Variants in EGFLAM observed in about 807,000 individuals in gnomAD.
EGFLAM encodes pikachurin.
Under a neutral mutation model 113.1 loss-of-function variants are expected in EGFLAM, and 79 were observed. The observed-to-expected ratio is 0.70, with a 90% CI of 0.58 to 0.84. The LOEUF is 0.84. Ranked by LOEUF, EGFLAM falls within the 40% of genes least tolerant of loss-of-function variation. EGFLAM has a pLI of 0.00. For synonymous variants in EGFLAM, 504 were observed against 487.6 expected, an observed-to-expected ratio of 1.03 and a Z score of -0.44; for missense variants, 1,265 against 1,291.6, an observed-to-expected ratio of 0.98 and a Z score of 0.32.
chr5:38,380,444 AAG>A (rs1190940577), intron 6 of EGFLAM, among the ~76,000 whole-genome samples: 8 of 152,244 alleles, frequency 5.3e-5, no homozygotes, highest in Admixed American at 3.9e-4. Context: ...ACATTGGAGA[AAG>A]ACAAAAAGCA....
intron 19 of EGFLAM, among the ~76,000 whole-genome samples, chr5:38,454,289 G>T (rs553772587): frequency 4.6e-5 from 7 of 152,294 alleles, no homozygotes; most frequent in African/African-American, 1.7e-4. Flanking sequence ...GCACCCGGGT[G>T]TTTCCGGGAC....
intron 6 of EGFLAM, among the ~76,000 whole-genome samples, chr5:38,387,199 A>G (rs1740685377): frequency 6.6e-6 from 1 of 152,186 alleles, no homozygotes; most frequent in African/African-American, 2.4e-5. Flanking sequence ...CAGAAAGTAG[A>G]AACCCATCCT....
At chr5:38,265,439 T>C (rs2111693660) in intron 1 of EGFLAM, among the ~76,000 whole-genome samples, 1 of 152,352 alleles carries the variant, frequency 6.6e-6, no homozygotes, top group Admixed American at 6.5e-5. Context: ...GAAAATCTTT[T>C]GAGTTGCTCA....
chr5:38,422,830 C>T (rs1741877882), intron 12 of EGFLAM, among the ~76,000 whole-genome samples: 1 of 152,128 alleles, frequency 6.6e-6, no homozygotes, highest in African/African-American at 2.4e-5. Flanking sequence ...GATGGAAATA[C>T]ATACCCAGCT....
At chr5:38,341,457 A>G (rs1341180388) in intron 3 of EGFLAM, among the ~76,000 whole-genome samples, 4 of 152,202 alleles carry the variant, frequency 2.6e-5, no homozygotes, top group East Asian at 1.9e-4. Flanking sequence ...CCATGATTCA[A>G]TTACCTCCAG....
intron 6 of EGFLAM, chr5:38,401,879 C>T (rs1741126128): frequency 6.6e-6 from 1 of 152,192 alleles, no homozygotes; most frequent in Admixed American, 6.5e-5. Context: ...TGATTGGAGG[C>T]ATATATCCAT....
chr5:38,404,707 T>G (rs1741224313), intron 6 of EGFLAM, among the ~76,000 whole-genome samples: 2 of 152,218 alleles, frequency 1.3e-5, no homozygotes, highest in Admixed American at 6.5e-5. Flanking sequence ...AGTGGCAGCA[T>G]CCTACCAAAG....
At chr5:38,403,929 A>G (rs1025667277) in intron 6 of EGFLAM, 3 of 1,613,388 alleles carry the variant, frequency 1.9e-6, no homozygotes, top group Non-Finnish European at 2.5e-6. Flanking sequence ...TTTTCAGTTG[A>G]CAGGTGGACT....
chr5:38,291,235 T>C (rs1215040479), intron 1 of EGFLAM, among the ~76,000 whole-genome samples: 1 of 152,254 alleles, frequency 6.6e-6, no homozygotes, highest in Non-Finnish European at 1.5e-5. Flanking sequence ...TTAAGTTGCT[T>C]CAAATATTTG....
rs541553836 is a variant in EGFLAM at position 38,436,049 on chromosome 5, C to A, written c.2283+796C>A. Among the ~76,000 whole-genome samples, 34 of 152,208 alleles carry A rather than the reference C, an allele frequency of 2.2e-4. 1 individual carries two copies. The South Asian group carries it at 5.8e-3, about 26-fold the overall frequency. ...GCCAGGCTGGTCTCGAACTCCTGAC[C>A]TTGTGATCTGCCCACCTTGGCCTCC... On this transcript the variant is annotated intron_variant, in intron 16 of 21. Coordinates refer to ENST00000322350, the MANE Select transcript of EGFLAM (RefSeq NM_152403.4).
At chr5:38,310,281 C>T (rs72739038) in intron 1 of EGFLAM, among the ~76,000 whole-genome samples, 9,843 of 152,192 alleles carry the variant, frequency 0.065, 428 homozygotes, top group Middle Eastern at 0.18. Flanking sequence ...GAGCTGTGGG[C>T]TCCAGGGTGA....
chr5:38,264,101 C>A (rs150872282), intron 1 of EGFLAM, among the ~76,000 whole-genome samples: 53 of 152,326 alleles, frequency 3.5e-4, no homozygotes, highest in African/African-American at 1.3e-3. Context: ...CCGGTGCTCC[C>A]AGGCTTAGAG....
In EGFLAM at chr5:38,347,468, A is replaced by G. The variant is rs79309116; in HGVS notation, c.292-3033A>G. ...TGCACCAAGGACACCAGGGCAGCCTAGAGGAGGGGCACCTAACCAGACTGG... is the reference window on the plus strand; with the variant it reads ...TGCACCAAGGACACCAGGGCAGCCTGGAGGAGGGGCACCTAACCAGACTGG... On this transcript the variant is annotated intron_variant, in intron 3 of 21. Coordinates refer to ENST00000322350, the MANE Select transcript of EGFLAM (RefSeq NM_152403.4). Among the ~76,000 whole-genome samples the G allele has an allele frequency of 3.5e-3, 536 of 152,242 alleles. 18 individuals are homozygous for G. The East Asian group carries it at 0.072, about 20-fold the overall frequency.
chr5:38,398,038 T>C (rs1376220763), intron 6 of EGFLAM, among the ~76,000 whole-genome samples: 1 of 152,126 alleles, frequency 6.6e-6, no homozygotes, highest in Non-Finnish European at 1.5e-5. Flanking sequence ...ACTTAAAGCG[T>C]ATAACCCAAG....
chr5:38,341,036 C>T (rs1047778672), intron 3 of EGFLAM, among the ~76,000 whole-genome samples: 2 of 152,174 alleles, frequency 1.3e-5, no homozygotes, highest in Non-Finnish European at 2.9e-5. Context: ...CTTAACCTTA[C>T]TAGGTCTCAG....
chr5:38,427,137 G>T lies in EGFLAM; in HGVS notation c.1939G>T (p.Asp647Tyr). Reference sequence around the variant, plus strand: ...GATCACATTTCGGCCAGACTCAGGAGATGGTGTCCTCCTGTACAGCTATGA... The same window carrying T: ...GATCACATTTCGGCCAGACTCAGGATATGGTGTCCTCCTGTACAGCTATGA... ...FEITFRPDSG[D>Y]GVLLYSYDTG... The change falls in exon 14 of 22, where the codon GAT becomes TAT. Residue 647 changes from aspartate (D) to tyrosine (Y), a missense_variant. Asp to Tyr is a radical substitution (Grantham distance 160). Transcript: ENST00000322350. 1.9e-6 allele frequency: 3 copies of T among 1,614,136 alleles called. No individual in the cohort carries two copies. The highest frequency in any genetic ancestry group is 2.5e-6 in the Non-Finnish European group (3 of 1,180,038).
chr5:38,313,095 A>AAAAAT (rs1480168152), intron 1 of EGFLAM, among the ~76,000 whole-genome samples: 1 of 152,186 alleles, frequency 6.6e-6, no homozygotes, highest in Admixed American at 6.5e-5. Context: ...CTGTCTCAAA[A>AAAAAT]AAAATAAAAT....
At chr5:38,448,105 G>C (rs566067775) in intron 17 of EGFLAM, among the ~76,000 whole-genome samples, 196 bp from the exon 18 acceptor site, 20 of 152,266 alleles carry the variant, frequency 1.3e-4, no homozygotes, top group Admixed American at 2.6e-4. Context: ...AGGGAAAAAT[G>C]GGGGAGAAGC....
chr5:38,328,291 C>A (rs1340993916), intron 1 of EGFLAM, among the ~76,000 whole-genome samples: 2 of 152,166 alleles, frequency 1.3e-5, no homozygotes, highest in Non-Finnish European at 2.9e-5. Flanking sequence ...ATCACGAGAA[C>A]AACAAGGGAG....
Sources: gnomAD v4.1 joint callset for allele counts (sites outside exome capture counted in the v4.1 genomes callset) on GRCh38, gnomAD v4.1.1 for gene constraint, MANE v1.5 for transcripts, NCBI Gene and HGNC (gene_info 2026-07-23, HGNC 2026-07-21) for gene names.